The following LPP variants were observed in gnomAD, a reference collection of about 807,000 sequenced individuals.
The protein encoded by LPP is lipoma-preferred partner.
Under a neutral mutation model 60.4 loss-of-function variants are expected in LPP, and 38 were observed. The observed-to-expected ratio is 0.63, with a 90% CI of 0.49 to 0.83. LPP has a LOEUF of 0.83. Among genes scored for constraint, LPP ranks in the 40% least tolerant of loss-of-function variants. The pLI is 0.00. For synonymous variants in LPP, 328 were observed against 290.8 expected, an observed-to-expected ratio of 1.13 and a Z score of -1.30; for missense variants, 902 against 783.6, an observed-to-expected ratio of 1.15 and a Z score of -1.80.
At chr3:188,781,550 G>A (rs1223855721) in intron 9 of LPP, among the ~76,000 whole-genome samples, 1 of 151,944 alleles carries the variant, frequency 6.6e-6, no homozygotes, top group East Asian at 1.9e-4. Flanking sequence ...GCAGGAGAGA[G>A]AATGAGAGAC....
intron 6 of LPP, among the ~76,000 whole-genome samples, chr3:188,533,771 A>G (rs1277268476): frequency 5.9e-5 from 9 of 152,228 alleles, no homozygotes; most frequent in Non-Finnish European, 1.2e-4. Context: ...AGAAAACTTC[A>G]ACAGTTAAAT....
chr3:188,685,917 T>A (rs1860613003), intron 7 of LPP, among the ~76,000 whole-genome samples: 1 of 152,142 alleles, frequency 6.6e-6, no homozygotes, highest in Non-Finnish European at 1.5e-5. Flanking sequence ...TGTCCACTCT[T>A]TGAGATCCTC....
intron 2 of LPP, among the ~76,000 whole-genome samples, chr3:188,250,833 TTTC>T (rs1328973919): frequency 2.7e-5 from 4 of 149,466 alleles, no homozygotes; most frequent in South Asian, 2.1e-4. Flanking sequence ...TTTTTCTTTC[TTTC>T]TTTTCTTTTT....
At chr3:188,440,515 A>G (rs1793508616) in intron 4 of LPP, among the ~76,000 whole-genome samples, 1 of 152,182 alleles carries the variant, frequency 6.6e-6, no homozygotes, top group African/African-American at 2.4e-5. Flanking sequence ...AGCTTTTTAA[A>G]TATAGGAAAC....
chr3:188,644,669 G>A (rs1044372076), intron 7 of LPP, among the ~76,000 whole-genome samples: 78 of 152,128 alleles, frequency 5.1e-4, no homozygotes, highest in African/African-American at 1.8e-3. Context: ...TTGCAAAAGA[G>A]TGGGTTTTTA....
At chr3:188,531,622 G>T (rs142369649) in intron 6 of LPP, among the ~76,000 whole-genome samples, 1 of 152,050 alleles carries the variant, frequency 6.6e-6, no homozygotes, top group Non-Finnish European at 1.5e-5. Context: ...GTGCAGAGAG[G>T]TTTCAGGTTG....
At chr3:188,412,642 C>T (rs2148939511) in intron 4 of LPP, among the ~76,000 whole-genome samples, 1 of 152,288 alleles carries the variant, frequency 6.6e-6, no homozygotes, top group East Asian at 1.9e-4. Context: ...GTTGGCTACA[C>T]AGTCTGATGT....
intron 2 of LPP, among the ~76,000 whole-genome samples, chr3:188,264,864 T>C (rs1734926704): frequency 6.6e-6 from 1 of 152,182 alleles, no homozygotes; most frequent in African/African-American, 2.4e-5. Flanking sequence ...AGTAAGTAGC[T>C]GGAGAAAATA....
chr3:188,643,212 T>C (rs1580646795), intron 7 of LPP, among the ~76,000 whole-genome samples: 1 of 152,188 alleles, frequency 6.6e-6, no homozygotes, highest in Non-Finnish European at 1.5e-5. Context: ...GAGATGAAAG[T>C]TGTACCCAGG....
chr3:188,353,316 T>G (rs1766509176), intron 3 of LPP, among the ~76,000 whole-genome samples: 1 of 152,198 alleles, frequency 6.6e-6, no homozygotes, highest in African/African-American at 2.4e-5. Context: ...TGAGTTGAAC[T>G]TAGTTGGATT....
intron 2 of LPP, among the ~76,000 whole-genome samples, chr3:188,325,382 CT>C (rs1300431982): frequency 6.6e-6 from 1 of 152,130 alleles, no homozygotes; most frequent in Non-Finnish European, 1.5e-5. Flanking sequence ...CCCACTTGAT[CT>C]TTCTCTGATT....
chr3:188,884,957 C>T lies in LPP; in HGVS notation c.*10478C>T. 4.6e-6 allele frequency: 1 copy of T among 216,616 alleles called. No individual in the cohort carries two copies. The highest frequency in any genetic ancestry group is 9.3e-6 in the Non-Finnish European group (1 of 107,476). 13.4% of individuals were successfully genotyped at this position (216,616 alleles called of 1,614,324 possible). A position where few individuals can be genotyped will look rare whatever the true frequency, so the allele number is the denominator to read the frequency against. On this transcript the variant is annotated 3_prime_UTR_variant, in exon 12 of 12. Transcript: ENST00000617246. ...TAGACTTTGCTTCCCAGGATGCTGT[C>T]ATTTTGTGATTTTTTATAATTACAA...
intron 9 of LPP, among the ~76,000 whole-genome samples, chr3:188,766,052 C>T (rs1401224454): frequency 6.6e-6 from 1 of 151,006 alleles, no homozygotes; most frequent in Non-Finnish European, 1.5e-5. Flanking sequence ...TTTATTTTTT[C>T]ATAGAGACGG....
At chr3:188,721,913 A>G (rs1375931891) in intron 8 of LPP, among the ~76,000 whole-genome samples, 1 of 151,324 alleles carries the variant, frequency 6.6e-6, no homozygotes, top group Non-Finnish European at 1.5e-5. Context: ...AGAACACATG[A>G]ACTATTGTGA....
At chr3:188,290,032 AG>A (rs1222831811) in intron 2 of LPP, among the ~76,000 whole-genome samples, 1 of 151,956 alleles carries the variant, frequency 6.6e-6, no homozygotes, top group Non-Finnish European at 1.5e-5. Context: ...CCTATCGCCC[AG>A]GATGGAGTGC....
intron 7 of LPP, among the ~76,000 whole-genome samples, chr3:188,627,537 A>T (rs561814268): frequency 6.6e-6 from 1 of 152,264 alleles, no homozygotes; most frequent in East Asian, 1.9e-4. Context: ...AATGATTCAA[A>T]AGGACAAAAA....
chr3:188,753,316 T>G (rs981759596), intron 8 of LPP, among the ~76,000 whole-genome samples: 3 of 152,222 alleles, frequency 2.0e-5, no homozygotes, highest in Non-Finnish European at 2.9e-5. Flanking sequence ...TCACAATACA[T>G]ATATTTACAT....
chr3:188,336,765 G>T (rs148494008), intron 2 of LPP, among the ~76,000 whole-genome samples: 167 of 152,204 alleles, frequency 1.1e-3, no homozygotes, highest in Middle Eastern at 3.4e-3. Flanking sequence ...TTCCCTTTAG[G>T]CTGGAGTGTC....
At chr3:188,457,994 T>TGAAGCA (rs1798146721) in intron 4 of LPP, among the ~76,000 whole-genome samples, 1 of 152,152 alleles carries the variant, frequency 6.6e-6, no homozygotes, top group African/African-American at 2.4e-5. Context: ...CATATTGGTA[T>TGAAGCA]TAAACTATGA....
Sources: gnomAD v4.1 joint callset for allele counts (sites outside exome capture counted in the v4.1 genomes callset) on GRCh38, gnomAD v4.1.1 for gene constraint, MANE v1.5 for transcripts, NCBI Gene and HGNC (gene_info 2026-07-23, HGNC 2026-07-21) for gene names.